Variants in ENPP6 observed in about 807,000 individuals in gnomAD.
ENPP6 encodes the protein ectonucleotide pyrophosphatase/phosphodiesterase 6.
Under a neutral mutation model 42.0 loss-of-function variants are expected in ENPP6, and 32 were observed. The ratio of observed to expected loss-of-function variants is 0.76; its 90% CI spans 0.58 to 1.02. ENPP6 has a LOEUF of 1.02. Among genes scored for constraint, ENPP6 ranks in the 50% least tolerant of loss-of-function variants. ENPP6 has a pLI of 0.00. For missense variants in ENPP6, 552 were observed against 566.8 expected (o/e 0.97, Z 0.27); for synonymous variants, 213 against 216.0 (o/e 0.99, Z 0.12).
At chr4:184,188,574 C>T (rs1732670907) in intron 1 of ENPP6, among the ~76,000 whole-genome samples, 1 of 152,042 alleles carries the variant, frequency 6.6e-6, no homozygotes, top group South Asian at 2.1e-4. Flanking sequence ...CTCCATGAGA[C>T]CACACACAGG....
At chr4:184,145,816 G>A (rs1409903539) in intron 2 of ENPP6, among the ~76,000 whole-genome samples, 1 of 152,232 alleles carries the variant, frequency 6.6e-6, no homozygotes, top group African/African-American at 2.4e-5. Context: ...ATAGATGTGC[G>A]ATGCGTGTCA....
At chr4:184,168,546 G>A (rs1044503552) in intron 1 of ENPP6, among the ~76,000 whole-genome samples, 2 of 152,222 alleles carry the variant, frequency 1.3e-5, no homozygotes, top group African/African-American at 4.8e-5. Flanking sequence ...GCGGGGCTCC[G>A]GACAGCAAGG....
At chr4:184,152,607 C>T (rs1291052160) in intron 2 of ENPP6, among the ~76,000 whole-genome samples, 3 of 152,138 alleles carry the variant, frequency 2.0e-5, no homozygotes, top group African/African-American at 4.8e-5. Context: ...TTGCCACGGG[C>T]GTGGGAAAGG....
chr4:184,144,207 T>C (rs1404475701), intron 2 of ENPP6, among the ~76,000 whole-genome samples: 1 of 152,236 alleles, frequency 6.6e-6, no homozygotes, highest in Non-Finnish European at 1.5e-5. Context: ...CATTCTCCTC[T>C]GAGGGCTAAT....
At chr4:184,133,679 A>G (rs1736681877) in intron 2 of ENPP6, among the ~76,000 whole-genome samples, 1 of 146,516 alleles carries the variant, frequency 6.8e-6, no homozygotes, top group Admixed American at 6.9e-5. Context: ...TTTCTCCATA[A>G]ACTATGATGT....
chr4:184,201,146 C>T (rs890857618), intron 1 of ENPP6, among the ~76,000 whole-genome samples: 1 of 152,168 alleles, frequency 6.6e-6, no homozygotes, highest in Admixed American at 6.5e-5. Flanking sequence ...TGCCCCAGGT[C>T]TCTGCCTGGT....
intron 4 of ENPP6, 113 bp downstream of exon 4, chr4:184,117,646 G>C (rs1350333419): frequency 1.3e-6 from 2 of 1,482,866 alleles, no homozygotes; most frequent in Non-Finnish European, 9.2e-7. Flanking sequence ...GCCTGTGCTG[G>C]CCCAATTGGC....
At chr4:184,111,315 T>A (rs1231753001) in intron 6 of ENPP6, among the ~76,000 whole-genome samples, 3 of 152,216 alleles carry the variant, frequency 2.0e-5, no homozygotes, top group Non-Finnish European at 4.4e-5. Flanking sequence ...TCTGCCAGAA[T>A]TTTATAAACT....
intron 3 of ENPP6, among the ~76,000 whole-genome samples, chr4:184,122,227 C>A (rs1358727442): frequency 2.0e-5 from 3 of 152,158 alleles, no homozygotes; most frequent in African/African-American, 7.2e-5. Context: ...GAATGCCAAC[C>A]CATGGAGCTC....
chr4:184,139,494 T>C (rs1245109878), intron 2 of ENPP6, among the ~76,000 whole-genome samples: 30 of 137,668 alleles, frequency 2.2e-4, no homozygotes, highest in Admixed American at 2.2e-3. Context: ...CTCCCAATGC[T>C]ATCCCTCCCC....
intron 6 of ENPP6, among the ~76,000 whole-genome samples, chr4:184,102,934 C>T (rs921383470): frequency 6.6e-6 from 1 of 152,238 alleles, no homozygotes; most frequent in Non-Finnish European, 1.5e-5. Flanking sequence ...CATGAGAACC[C>T]CTAGAAGCTG....
rs149026340 is a variant in ENPP6, at chr4:184,098,592, A to G, written c.994-1224T>C. Among the ~76,000 whole-genome samples, 631 of 152,156 alleles carry G rather than the reference A, an allele frequency of 4.1e-3. 7 individuals are homozygous for G. The highest frequency in any genetic ancestry group is 0.014 in the African/African-American group (601 of 41,506). On this transcript the variant is annotated intron_variant, in intron 6 of 7. Coordinates refer to ENST00000296741, the MANE Select transcript of ENPP6 (RefSeq NM_153343.4). The stretch of plus-strand genomic sequence containing the variant: ...TGCTCCCCTTGTCCAGGCTTCACAG[A>G]CCTTAATTTCCCTCAACCACTCTTC...
intron 1 of ENPP6, among the ~76,000 whole-genome samples, chr4:184,162,578 AG>A (rs1737284389): frequency 1.4e-5 from 2 of 138,420 alleles, no homozygotes; most frequent in Non-Finnish European, 3.3e-5. Context: ...GAAGGAAGAA[AG>A]GAAGGAAGAG....
chr4:184,095,505 T>C (rs1288470876), intron 7 of ENPP6, among the ~76,000 whole-genome samples: 1 of 151,672 alleles, frequency 6.6e-6, no homozygotes, highest in Non-Finnish European at 1.5e-5. Context: ...AAGAAAAATA[T>C]AAAAATTAGC....
chr4:184,145,600 T>C (rs762826687), intron 2 of ENPP6, among the ~76,000 whole-genome samples: 1 of 152,222 alleles, frequency 6.6e-6, no homozygotes, highest in Non-Finnish European at 1.5e-5. Context: ...ACATTCCGAC[T>C]GTGCCCCATG....
chr4:184,189,135 T>C (rs1317421778), intron 1 of ENPP6, among the ~76,000 whole-genome samples: 11 of 152,112 alleles, frequency 7.2e-5, no homozygotes, highest in Admixed American at 7.2e-4. Flanking sequence ...GTTGATATAA[T>C]AAATAGTTCC....
At chr4:184,117,351 T>C (rs757426115) in intron 4 of ENPP6, among the ~76,000 whole-genome samples, 13 of 152,324 alleles carry the variant, frequency 8.5e-5, no homozygotes, top group Non-Finnish European at 1.9e-4. Context: ...CACGTGCCCA[T>C]GTTACAGATG....
intron 7 of ENPP6, among the ~76,000 whole-genome samples, chr4:184,094,582 G>T (rs185723482): frequency 6.6e-6 from 1 of 152,230 alleles, no homozygotes; most frequent in Non-Finnish European, 1.5e-5. Flanking sequence ...ACCCAGACAG[G>T]CTCTACTAGC....
chr4:184,217,430 A>G (rs1374694145), intron 1 of ENPP6, 149 bp downstream of exon 1: 1 of 1,180,380 alleles, frequency 8.5e-7, no homozygotes. Context: ...CTTCTCAGCC[A>G]AGAACACAGA....
Sources: gnomAD v4.1 joint callset for allele counts (sites outside exome capture counted in the v4.1 genomes callset) on GRCh38, gnomAD v4.1.1 for gene constraint, MANE v1.5 for transcripts, NCBI Gene and HGNC (gene_info 2026-07-23, HGNC 2026-07-21) for gene names.